RGS7BP: variants seen among roughly 807,000 people sequenced by gnomAD.
The protein encoded by RGS7BP is regulator of G protein signaling 7-binding protein.
Under a neutral mutation model 31.3 loss-of-function variants are expected in RGS7BP, and 9 were observed. That is an observed-to-expected ratio of 0.29 (90% CI 0.17 to 0.50). The LOEUF (loss-of-function observed/expected upper bound fraction) is 0.50. RGS7BP is among the 20% of genes least tolerant of loss of function. The pLI, the probability that RGS7BP is intolerant of heterozygous loss-of-function variation, is 0.98. For synonymous variants in RGS7BP, 115 were observed against 120.1 expected (o/e 0.96, Z 0.28); for missense variants, 274 against 322.0 (o/e 0.85, Z 1.14).
chr5:64,609,198 G>A lies in RGS7BP; in HGVS notation c.720G>A (p.Leu240=). The A allele has an allele frequency of 6.2e-7, 1 of 1,611,544 alleles. No individual in the cohort carries two copies. Among genetic ancestry groups the A allele is most frequent in the East Asian group, 2.2e-5 (1 of 44,822 alleles). ...TTCTGAATCTAACTCCCTACCCCCT[G>A]GTGAGAAGACGGAAGAGAAGGTTCT... The part of the protein sequence containing the change: ...SSLLNLTPYP[L]VRRRKRRFFG... Residue 240 remains leucine, a synonymous_variant, in exon 6 of 6, where the codon CTG becomes CTA. Transcript: ENST00000334025.
chr5:64,511,437 T>G (rs13166645), intron 2 of RGS7BP, among the ~76,000 whole-genome samples: 12,672 of 152,282 alleles, frequency 0.083, 569 homozygotes, highest in Non-Finnish European at 0.096. Flanking sequence ...AAGAGGGGCC[T>G]TAAAGATCAC....
chr5:64,549,436 C>A (rs1741737480), intron 2 of RGS7BP, among the ~76,000 whole-genome samples: 3 of 152,222 alleles, frequency 2.0e-5, no homozygotes, highest in Admixed American at 2.0e-4. Flanking sequence ...GGGGTCCTGC[C>A]CCCATGGCTC....
intron 2 of RGS7BP, among the ~76,000 whole-genome samples, chr5:64,558,585 G>A (rs1000469295): frequency 1.3e-4 from 20 of 152,092 alleles, no homozygotes; most frequent in Non-Finnish European, 2.9e-4. Flanking sequence ...CTGTGTTTTT[G>A]AACAATATGA....
intron 2 of RGS7BP, among the ~76,000 whole-genome samples, chr5:64,536,023 A>C (rs1404098164): frequency 6.6e-6 from 1 of 152,200 alleles, no homozygotes; most frequent in Non-Finnish European, 1.5e-5. Flanking sequence ...TTAAGTCTGT[A>C]TTTTGCACAG....
At chr5:64,536,965 T>G (rs1357715314) in intron 2 of RGS7BP, among the ~76,000 whole-genome samples, 2 of 152,262 alleles carry the variant, frequency 1.3e-5, no homozygotes, top group African/African-American at 4.8e-5. Context: ...CCAGAATGAT[T>G]CTGCACTAGG....
chr5:64,507,241 C>T (rs1034885143), intron 1 of RGS7BP, among the ~76,000 whole-genome samples: 1 of 152,136 alleles, frequency 6.6e-6, no homozygotes, highest in Non-Finnish European at 1.5e-5. Flanking sequence ...GCCGTCAGGC[C>T]GAGAGGTTCA....
At position 64,579,493 on chromosome 5, in the gene RGS7BP, G is replaced by A. The variant is rs113137091; in HGVS notation, c.463+3589G>A. Among the ~76,000 whole-genome samples the A allele has an allele frequency of 1.7e-4, 22 of 126,646 alleles. 1 individual carries two copies. The highest frequency in any genetic ancestry group is 9.9e-4 in the East Asian group (4 of 4,060). The allele number at this position is 126,646 out of a possible 152,430, so 83.1% of individuals were successfully genotyped here. ...CAGGAGGCAGAGGTTGCAGTGAGCC[G>A]AGATCATACCACTGCACTCCAGCCT... is the stretch of plus-strand genomic sequence containing the variant. On this transcript the variant is annotated intron_variant, in intron 3 of 5. Coordinates refer to ENST00000334025, the MANE Select transcript of RGS7BP (RefSeq NM_001029875.3).
At chr5:64,596,673 T>A (rs1266562148) in intron 4 of RGS7BP, among the ~76,000 whole-genome samples, 1 of 152,118 alleles carries the variant, frequency 6.6e-6, no homozygotes, top group Non-Finnish European at 1.5e-5. Context: ...CACAGATACA[T>A]CCTCACACCT....
At chr5:64,558,035 C>A (rs1741968742) in intron 2 of RGS7BP, among the ~76,000 whole-genome samples, 1 of 152,092 alleles carries the variant, frequency 6.6e-6, no homozygotes, top group South Asian at 2.1e-4. Flanking sequence ...CTCCAGGAGG[C>A]CTCCTGGAAT....
At chr5:64,577,312 G>T (rs1370433817) in intron 3 of RGS7BP, among the ~76,000 whole-genome samples, 1 of 151,864 alleles carries the variant, frequency 6.6e-6, no homozygotes, top group East Asian at 1.9e-4. Flanking sequence ...CTTGGTGGGG[G>T]GCGCCTGTAA....
chr5:64,599,458 C>G (rs997067361), intron 5 of RGS7BP, among the ~76,000 whole-genome samples: 19 of 152,136 alleles, frequency 1.2e-4, no homozygotes, highest in African/African-American at 4.6e-4. Context: ...CCAGGAGCAG[C>G]TCAGCAGAAG....
At chr5:64,523,764 G>A (rs1026674837) in intron 2 of RGS7BP, among the ~76,000 whole-genome samples, 1 of 152,170 alleles carries the variant, frequency 6.6e-6, no homozygotes, top group African/African-American at 2.4e-5. Flanking sequence ...TTAGGAACAT[G>A]TTACACCTTT....
chr5:64,529,327 A>T (rs376311510), intron 2 of RGS7BP, among the ~76,000 whole-genome samples: 80 of 152,346 alleles, frequency 5.3e-4, no homozygotes, highest in African/African-American at 1.8e-3. Context: ...TTAGGCCTTT[A>T]GAAATGTTTT....
chr5:64,516,865 A>AT, intron 2 of RGS7BP, among the ~76,000 whole-genome samples: 1 of 152,226 alleles, frequency 6.6e-6, no homozygotes, highest in African/African-American at 2.4e-5. Flanking sequence ...AGAGTTTCTG[A>AT]TTTAATTGGT....
chr5:64,604,188 T>C (rs1441401560), intron 5 of RGS7BP, among the ~76,000 whole-genome samples: 5 of 152,116 alleles, frequency 3.3e-5, no homozygotes, highest in African/African-American at 1.2e-4. Flanking sequence ...ATTCACACTG[T>C]TCTCTCCATT....
chr5:64,577,337 G>A (rs191823626), intron 3 of RGS7BP, among the ~76,000 whole-genome samples: 2 of 152,204 alleles, frequency 1.3e-5, no homozygotes, highest in East Asian at 1.9e-4. Context: ...AGCTATTCAG[G>A]AGGCTGAGGC....
At chr5:64,566,560 T>C (rs1054558230) in intron 2 of RGS7BP, among the ~76,000 whole-genome samples, 1 of 152,100 alleles carries the variant, frequency 6.6e-6, no homozygotes, top group Admixed American at 6.6e-5. Context: ...CAGCTATACA[T>C]GCTTGTTCAT....
intron 2 of RGS7BP, among the ~76,000 whole-genome samples, chr5:64,567,235 C>T (rs1742193093): frequency 6.6e-6 from 1 of 151,972 alleles, no homozygotes; most frequent in Non-Finnish European, 1.5e-5. Context: ...CTTTCTGTCA[C>T]CCTGTGGGCA....
intron 2 of RGS7BP, among the ~76,000 whole-genome samples, chr5:64,510,091 T>C (rs1748792425): frequency 6.6e-6 from 1 of 152,200 alleles, no homozygotes; most frequent in South Asian, 2.1e-4. Flanking sequence ...CTTTAAAGTT[T>C]GAAGCAGGAG....
Sources: gnomAD v4.1 joint callset for allele counts (sites outside exome capture counted in the v4.1 genomes callset) on GRCh38, gnomAD v4.1.1 for gene constraint, MANE v1.5 for transcripts, NCBI Gene and HGNC (gene_info 2026-07-23, HGNC 2026-07-21) for gene names.